RNLS: variants seen among roughly 807,000 people sequenced by gnomAD.
RNLS encodes renalase.
A neutral mutation model predicts 39.8 loss-of-function variants in RNLS; 39 were observed. The observed-to-expected ratio is 0.98, with a 90% CI of 0.76 to 1.28. The LOEUF (loss-of-function observed/expected upper bound fraction) is 1.28, where lower values mean the gene tolerates loss of function less well. Ranked by LOEUF, RNLS falls within the 50% of genes most tolerant of loss-of-function variation. The pLI is 0.00. For synonymous variants in RNLS, 147 were observed against 150.7 expected (o/e 0.98, Z 0.18); for missense variants, 410 against 413.3 (o/e 0.99, Z 0.07).
chr10:88,176,085 G>T, the RNLS span, among the ~76,000 whole-genome samples: 1 of 151,918 alleles, frequency 6.6e-6, no homozygotes, highest in African/African-American at 2.4e-5. Context: ...TCACTTTCAG[G>T]CTCTGTCTTT....
chr10:88,355,000 T>G (rs1053077106), intron 5 of RNLS, among the ~76,000 whole-genome samples: 1 of 152,374 alleles, frequency 6.6e-6, no homozygotes, highest in Middle Eastern at 3.4e-3. Context: ...TTCCAGTTGA[T>G]TGAATCGGCT....
At chr10:88,297,982 C>T (rs1383117720) in intron 6 of RNLS, among the ~76,000 whole-genome samples, 1 of 150,800 alleles carries the variant, frequency 6.6e-6, no homozygotes, top group Non-Finnish European at 1.5e-5. Flanking sequence ...TTCACATCCT[C>T]TCTAACACTT....
At chr10:88,481,985 T>G (rs1389537636) in intron 4 of RNLS, among the ~76,000 whole-genome samples, 1 of 152,196 alleles carries the variant, frequency 6.6e-6, no homozygotes, top group Non-Finnish European at 1.5e-5. Flanking sequence ...GATTTTTTTT[T>G]CTTCCAGTAT....
chr10:88,335,074 A>T (rs954396588), intron 5 of RNLS, among the ~76,000 whole-genome samples: 2 of 152,218 alleles, frequency 1.3e-5, no homozygotes, highest in Non-Finnish European at 2.9e-5. Context: ...AAAAAGTGAA[A>T]CTATCAAAAT....
chr10:88,420,527 C>A (rs1241004362), intron 4 of RNLS, among the ~76,000 whole-genome samples: 1 of 152,184 alleles, frequency 6.6e-6, no homozygotes, highest in African/African-American at 2.4e-5. Context: ...CAGATGGTTG[C>A]TGGCTTCTTT....
chr10:88,402,147 C>A (rs1012939618), intron 4 of RNLS, among the ~76,000 whole-genome samples: 2 of 151,862 alleles, frequency 1.3e-5, no homozygotes, highest in African/African-American at 4.8e-5. Flanking sequence ...AGTTCTGAAT[C>A]AAAAAAATTT....
chr10:88,302,042 G>A (rs1056722276), intron 6 of RNLS, among the ~76,000 whole-genome samples: 3 of 152,090 alleles, frequency 2.0e-5, no homozygotes, highest in Admixed American at 6.6e-5. Flanking sequence ...ACTAATGTCT[G>A]TAGTAAATGT....
At chr10:88,358,403 T>C (rs959701784) in intron 5 of RNLS, among the ~76,000 whole-genome samples, 1 of 152,198 alleles carries the variant, frequency 6.6e-6, no homozygotes, top group Non-Finnish European at 1.5e-5. Context: ...GGGATGTTAG[T>C]AGGTTTGGTG....
At chr10:88,498,461 T>C (rs1226128848) in intron 4 of RNLS, among the ~76,000 whole-genome samples, 3 of 150,932 alleles carry the variant, frequency 2.0e-5, no homozygotes, top group Admixed American at 6.6e-5. Context: ...ACATAATATG[T>C]GCTCCTGAAG....
At chr10:88,412,153 G>C (rs946021068) in intron 4 of RNLS, among the ~76,000 whole-genome samples, 2 of 151,964 alleles carry the variant, frequency 1.3e-5, no homozygotes, top group Non-Finnish European at 2.9e-5. Context: ...GAAGGCAGGG[G>C]GGTCAGGTGA....
At chr10:88,202,451 A>T in the RNLS span, among the ~76,000 whole-genome samples, 1 of 152,142 alleles carries the variant, frequency 6.6e-6, no homozygotes, top group Non-Finnish European at 1.5e-5. Flanking sequence ...AGTATAAAAA[A>T]AAAATGTATT....
intron 4 of RNLS, among the ~76,000 whole-genome samples, chr10:88,480,169 G>A (rs921583221): frequency 1.3e-5 from 2 of 152,122 alleles, no homozygotes; most frequent in African/African-American, 4.8e-5. Context: ...GACAATCTTA[G>A]AAATGTCACC....
intron 4 of RNLS, among the ~76,000 whole-genome samples, chr10:88,522,396 G>T (rs1035150890): frequency 6.6e-6 from 1 of 152,068 alleles, no homozygotes; most frequent in Non-Finnish European, 1.5e-5. Flanking sequence ...AGATTCAGTA[G>T]TGTAAATTTC....
At chr10:88,367,981 T>C (rs1850255189) in intron 4 of RNLS, among the ~76,000 whole-genome samples, 1 of 152,112 alleles carries the variant, frequency 6.6e-6, no homozygotes, top group Non-Finnish European at 1.5e-5. Context: ...ATTTGATGAA[T>C]AGAGTTTTAA....
At chr10:88,560,940 TAACAC>T (rs1428164837) in intron 4 of RNLS, among the ~76,000 whole-genome samples, 18 of 105,072 alleles carry the variant, frequency 1.7e-4, no homozygotes, top group Non-Finnish European at 1.8e-4. Flanking sequence ...TGTTCAGAGA[TAACAC>T]ACACACACAC....
At chr10:88,294,786 C>A (rs1294504496) in intron 6 of RNLS, among the ~76,000 whole-genome samples, 1 of 152,072 alleles carries the variant, frequency 6.6e-6, no homozygotes, top group South Asian at 2.1e-4. Context: ...AATGAATGAA[C>A]ACAAGCCAAC....
At chr10:88,428,736 C>T (rs2133798708) in intron 4 of RNLS, among the ~76,000 whole-genome samples, 1 of 152,048 alleles carries the variant, frequency 6.6e-6, no homozygotes, top group East Asian at 1.9e-4. Flanking sequence ...AGTGATTCAT[C>T]TATTTAGACA....
chr10:88,422,942 G>A (rs1038174806), intron 4 of RNLS, among the ~76,000 whole-genome samples: 2 of 152,034 alleles, frequency 1.3e-5, no homozygotes, highest in South Asian at 2.1e-4. Context: ...TTTAAAGAAC[G>A]GTCTTCTATG....
intron 4 of RNLS, among the ~76,000 whole-genome samples, chr10:88,477,567 C>T (rs1047305248): frequency 5.3e-5 from 8 of 152,004 alleles, no homozygotes; most frequent in South Asian, 2.1e-4. Flanking sequence ...AGGATGGCAA[C>T]GATGACAAGG....
Sources: gnomAD v4.1 joint callset for allele counts (sites outside exome capture counted in the v4.1 genomes callset) on GRCh38, gnomAD v4.1.1 for gene constraint, MANE v1.5 for transcripts, NCBI Gene and HGNC (gene_info 2026-07-23, HGNC 2026-07-21) for gene names.